Variants in ROBO1 observed in about 807,000 individuals in gnomAD.
The protein encoded by ROBO1 is roundabout homolog 1.
In ROBO1, 149 loss-of-function variants were observed where a neutral mutation model predicts 195.9. The ratio of observed to expected loss-of-function variants is 0.76; its 90% CI spans 0.67 to 0.87. The LOEUF is 0.87. Ranked by LOEUF, ROBO1 falls within the 40% of genes least tolerant of loss-of-function variation. ROBO1 has a pLI of 0.00. For synonymous variants in ROBO1, 816 were observed against 733.2 expected (o/e 1.11, Z -1.82); for missense variants, 1,933 against 2,068.3 (o/e 0.93, Z 1.27).
intron 2 of ROBO1, among the ~76,000 whole-genome samples, chr3:79,276,391 G>C (rs2031037192): frequency 1.3e-5 from 2 of 151,982 alleles, no homozygotes; most frequent in South Asian, 2.1e-4. Flanking sequence ...TCAATAACCA[G>C]TGCTAGGAAA....
chr3:78,822,264 C>T (rs1431605845), intron 4 of ROBO1, among the ~76,000 whole-genome samples: 1 of 152,068 alleles, frequency 6.6e-6, no homozygotes, highest in Non-Finnish European at 1.5e-5. Context: ...GCGGTGAAAA[C>T]AAAGGGGATG....
intron 3 of ROBO1, among the ~76,000 whole-genome samples, chr3:78,951,814 C>T (rs192869296): frequency 6.6e-6 from 1 of 152,174 alleles, no homozygotes; most frequent in Non-Finnish European, 1.5e-5. Flanking sequence ...ATCAAAGTCA[C>T]ACAAGATTTA....
intron 1 of ROBO1, among the ~76,000 whole-genome samples, chr3:79,731,444 A>G (rs994618315): frequency 6.6e-6 from 1 of 152,092 alleles, no homozygotes; most frequent in Non-Finnish European, 1.5e-5. Context: ...AAATTTTAAA[A>G]AGCCTAACTA....
chr3:78,748,445 A>G (rs994553511), intron 4 of ROBO1, among the ~76,000 whole-genome samples: 59 of 134,228 alleles, frequency 4.4e-4, no homozygotes, highest in Non-Finnish European at 8.0e-4. Context: ...AAATAAATAA[A>G]TAAATAAATA....
chr3:78,852,072 A>G (rs1310434352), intron 4 of ROBO1, among the ~76,000 whole-genome samples: 1 of 152,128 alleles, frequency 6.6e-6, no homozygotes, highest in Non-Finnish European at 1.5e-5. Flanking sequence ...AGTTATTCCC[A>G]GAAATTTAAT....
intron 3 of ROBO1, among the ~76,000 whole-genome samples, chr3:79,095,498 T>C (rs930330487): frequency 1.3e-5 from 2 of 152,032 alleles, no homozygotes; most frequent in Non-Finnish European, 2.9e-5. Flanking sequence ...TCCTGGAAGA[T>C]GAACCTCCAG....
At chr3:78,972,415 T>A (rs556398662) in intron 3 of ROBO1, among the ~76,000 whole-genome samples, 1 of 152,302 alleles carries the variant, frequency 6.6e-6, no homozygotes, top group South Asian at 2.1e-4. Flanking sequence ...AGCTCTAGAA[T>A]TTTTCATTTT....
chr3:79,517,060 A>T (rs1940979519), intron 2 of ROBO1, among the ~76,000 whole-genome samples: 1 of 152,144 alleles, frequency 6.6e-6, no homozygotes, highest in Non-Finnish European at 1.5e-5. Flanking sequence ...CCATACCATA[A>T]GACTCTTTCT....
chr3:78,865,746 C>T (rs2035134989), intron 4 of ROBO1, among the ~76,000 whole-genome samples: 1 of 152,138 alleles, frequency 6.6e-6, no homozygotes, highest in African/African-American at 2.4e-5. Context: ...GCTGAGATTA[C>T]AGGCATGAGC....
At chr3:78,627,910 C>G (rs893083350) in intron 25 of ROBO1, among the ~76,000 whole-genome samples, 1 of 151,452 alleles carries the variant, frequency 6.6e-6, no homozygotes, top group African/African-American at 2.4e-5. Context: ...GATGGTATTA[C>G]AGAGGACCTG....
At chr3:78,704,486 T>C (rs1458557106) in intron 8 of ROBO1, among the ~76,000 whole-genome samples, 1 of 151,986 alleles carries the variant, frequency 6.6e-6, no homozygotes, top group African/African-American at 2.4e-5. Context: ...TTTAAAAGTT[T>C]ATCCCCTACT....
intron 1 of ROBO1, among the ~76,000 whole-genome samples, chr3:79,655,762 A>AAG: frequency 6.6e-6 from 1 of 152,220 alleles, no homozygotes; most frequent in East Asian, 1.9e-4. Context: ...ATGTCTCAAA[A>AAG]AGAGCAAGCT....
intron 19 of ROBO1, among the ~76,000 whole-genome samples, chr3:78,648,576 G>C (rs968460580): frequency 3.3e-5 from 5 of 151,760 alleles, no homozygotes; most frequent in African/African-American, 1.2e-4. Context: ...CCCATTCCTG[G>C]GGGGTTGGAT....
At chr3:79,418,431 AT>A (rs1226363623) in intron 2 of ROBO1, among the ~76,000 whole-genome samples, 1 of 152,122 alleles carries the variant, frequency 6.6e-6, no homozygotes, top group Admixed American at 6.6e-5. Flanking sequence ...GTAAAAATGA[AT>A]TTATTGTGTC....
chr3:78,960,577 G>A (rs368160630), intron 3 of ROBO1, among the ~76,000 whole-genome samples: 21 of 151,828 alleles, frequency 1.4e-4, no homozygotes, highest in African/African-American at 3.4e-4. Flanking sequence ...TCAAGAGATC[G>A]AGACCATCCT....
At chr3:79,061,296 G>A (rs921634231) in intron 3 of ROBO1, among the ~76,000 whole-genome samples, 3 of 152,124 alleles carry the variant, frequency 2.0e-5, no homozygotes, top group African/African-American at 7.2e-5. Flanking sequence ...ACTTACAAGG[G>A]ATGTGAAGGA....
chr3:78,786,000 T>C (rs1336353585), intron 4 of ROBO1, among the ~76,000 whole-genome samples: 1 of 152,194 alleles, frequency 6.6e-6, no homozygotes, highest in Non-Finnish European at 1.5e-5. Flanking sequence ...GTTGTTATTA[T>C]AAAACTCTCA....
At chr3:78,647,775 G>A (rs574925627) in intron 19 of ROBO1, 120 bp from the exon 20 acceptor site, 1 of 862,206 alleles carries the variant, frequency 1.2e-6, no homozygotes, top group African/African-American at 1.7e-5. Context: ...AACTAAGCCA[G>A]TAGTTCTGAC....
chr3:79,301,126 T>C (rs1028016349), intron 2 of ROBO1, among the ~76,000 whole-genome samples: 1 of 152,100 alleles, frequency 6.6e-6, no homozygotes, highest in East Asian at 1.9e-4. Context: ...GCTCACTCTT[T>C]GGGTCCACGC....
Sources: gnomAD v4.1 joint callset for allele counts (sites outside exome capture counted in the v4.1 genomes callset) on GRCh38, gnomAD v4.1.1 for gene constraint, MANE v1.5 for transcripts, NCBI Gene and HGNC (gene_info 2026-07-23, HGNC 2026-07-21) for gene names.